ZNF827: variants seen among roughly 807,000 people sequenced by gnomAD.
The protein encoded by ZNF827 is zinc finger protein 827.
A neutral mutation model predicts 102.4 loss-of-function variants in ZNF827; 13 were observed. The observed-to-expected ratio is 0.13, with a 90% CI of 0.08 to 0.20. The LOEUF (loss-of-function observed/expected upper bound fraction) is 0.20, where lower values mean the gene tolerates loss of function less well. ZNF827 is among the 10% of genes least tolerant of loss of function. The probability of loss-of-function intolerance (pLI) is 1.00; values close to 1 mark genes in which losing one functional copy is unlikely to be tolerated. For synonymous variants in ZNF827, 523 were observed against 536.2 expected (o/e 0.98, Z 0.34); for missense variants, 1,103 against 1,344.4 (o/e 0.82, Z 2.81).
chr4:145,823,801 C>G (rs1318805521), intron 7 of ZNF827, among the ~76,000 whole-genome samples: 1 of 152,194 alleles, frequency 6.6e-6, no homozygotes, highest in Non-Finnish European at 1.5e-5. Flanking sequence ...TAGAGGAGGA[C>G]AGCTGTGCAG....
intron 5 of ZNF827, among the ~76,000 whole-genome samples, chr4:145,852,589 T>G (rs1746639676): frequency 6.6e-6 from 1 of 152,130 alleles, no homozygotes; most frequent in Admixed American, 6.5e-5. Flanking sequence ...GCCAAGTGTT[T>G]TTTTTGGCTT....
intron 2 of ZNF827, among the ~76,000 whole-genome samples, chr4:145,895,599 G>C (rs1750916017): frequency 1.3e-5 from 2 of 152,130 alleles, no homozygotes; most frequent in Non-Finnish European, 2.9e-5. Flanking sequence ...GAAACCAAAT[G>C]ATAAAAGTAA....
rs1009417127 is a variant in ZNF827, at chr4:145,882,883, C to T, written c.1747+2795G>A. On this transcript the variant is annotated intron_variant, in intron 4 of 14. Transcript: ENST00000508784. ...CGTTATAACGCCAAGGGACAAGGCCCGAGACTAGCCACTACTTCACTACAT... is the reference window on the plus strand; with the variant it reads ...CGTTATAACGCCAAGGGACAAGGCCTGAGACTAGCCACTACTTCACTACAT... Among the ~76,000 whole-genome samples the T allele has an allele frequency of 3.3e-5, 5 of 152,038 alleles. No individual in the cohort carries two copies. The East Asian group carries it at 7.7e-4, about 23-fold the overall frequency.
Position 145,902,083 on chromosome 4 carries a change from C to T in ZNF827, c.1093+83G>A. The T allele has an allele frequency of 6.7e-7, 1 of 1,493,654 alleles. No homozygotes were observed. Among genetic ancestry groups the T allele is most frequent in the Non-Finnish European group, 8.9e-7 (1 of 1,121,130 alleles). The allele number at this position is 1,493,654 out of a possible 1,614,324, so 92.5% of individuals were successfully genotyped here. ...TCCTGCCTCAGATCAGATGGGGAACCCAACTGAAAAAAGCAATGAATAAGA... is the reference window on the plus strand; with the variant it reads ...TCCTGCCTCAGATCAGATGGGGAACTCAACTGAAAAAAGCAATGAATAAGA... On this transcript the variant is annotated intron_variant, in intron 2 of 14. Transcript: ENST00000508784. This position sits in a 1 kb window ranked among gnomAD's most constrained non-coding sequence, Gnocchi z 4.3.
At chr4:145,833,470 C>A (rs944691271) in intron 7 of ZNF827, among the ~76,000 whole-genome samples, 1 of 152,146 alleles carries the variant, frequency 6.6e-6, no homozygotes, top group Non-Finnish European at 1.5e-5. Context: ...AGTGGCAAGT[C>A]CCGCTTTCCT....
chr4:145,866,461 G>A (rs1458544067), intron 5 of ZNF827, among the ~76,000 whole-genome samples: 1 of 152,110 alleles, frequency 6.6e-6, no homozygotes, highest in Non-Finnish European at 1.5e-5. Flanking sequence ...AGAAGCAATT[G>A]TAATTTATAT....
At chr4:145,878,582 CAGGACAGGACAGGACAGGACAGGAA>C (rs1434849981) in intron 4 of ZNF827, among the ~76,000 whole-genome samples, 68 of 124,940 alleles carry the variant, frequency 5.4e-4, no homozygotes, top group African/African-American at 1.9e-3. Flanking sequence ...CAGGACAGGA[CAGGACAGGACAGGACAGGACAGGAA>C]AGGAAAGGAA....
chr4:145,930,783 C>T (rs975673930), intron 1 of ZNF827, among the ~76,000 whole-genome samples: 5 of 152,130 alleles, frequency 3.3e-5, no homozygotes, highest in African/African-American at 9.7e-5. Context: ...ATCGTGGGCG[C>T]GTATCACTGT....
At chr4:145,857,546 C>T (rs187678406) in intron 5 of ZNF827, among the ~76,000 whole-genome samples, 1 of 152,322 alleles carries the variant, frequency 6.6e-6, no homozygotes, top group African/African-American at 2.4e-5. Flanking sequence ...TATGCCCACA[C>T]CTGCAGTATG....
Position 145,849,403 on chromosome 4 carries a change from C to T in ZNF827, c.2140G>A (p.Gly714Ser), listed in dbSNP as rs1380064260. ...AGGTTTCTCTCTGGGGGTACTCTGC[C>T]CTCTGGCATCTTCTGTAAGGGTTCG... Reference protein sequence around the residue: ...KTEPLQKMPEGRVPPERNLFS... With the variant: ...KTEPLQKMPESRVPPERNLFS... The change falls in exon 6 of 15, where the codon GGC becomes AGC. Residue 714 changes from glycine (G) to serine (S), a missense_variant. Gly to Ser is a moderately conservative substitution (Grantham distance 56). Coordinates refer to ENST00000508784, the MANE Select transcript of ZNF827 (RefSeq NM_001306215.2). The T allele has an allele frequency of 1.2e-6, 2 of 1,613,982 alleles. No homozygotes were observed. Among genetic ancestry groups the T allele is most frequent in the Non-Finnish European group, 1.7e-6 (2 of 1,180,022 alleles).
chr4:145,838,229 G>C, intron 7 of ZNF827, among the ~76,000 whole-genome samples: 1 of 152,088 alleles, frequency 6.6e-6, no homozygotes, highest in Non-Finnish European at 1.5e-5. Flanking sequence ...TGCCTTAACT[G>C]ATGACATTAC....
chr4:145,867,148 T>A (rs537757016), intron 5 of ZNF827, among the ~76,000 whole-genome samples: 1 of 152,360 alleles, frequency 6.6e-6, no homozygotes, highest in African/African-American at 2.4e-5. Context: ...AGACTTCCAG[T>A]GCTTTCCTCA....
At chr4:145,918,273 T>C (rs1032901014) in intron 1 of ZNF827, among the ~76,000 whole-genome samples, 30 of 148,388 alleles carry the variant, frequency 2.0e-4, no homozygotes, top group African/African-American at 7.2e-4. Flanking sequence ...TCTGTCCTTA[T>C]ATTTTGTTGT....
At chr4:145,879,174 G>A (rs752513310) in intron 4 of ZNF827, among the ~76,000 whole-genome samples, 1 of 152,108 alleles carries the variant, frequency 6.6e-6, no homozygotes, top group Non-Finnish European at 1.5e-5. Flanking sequence ...ACCTTCTGTG[G>A]TTACCCAGAG....
intron 7 of ZNF827, among the ~76,000 whole-genome samples, chr4:145,824,463 G>A (rs999950840): frequency 1.3e-5 from 2 of 152,168 alleles, no homozygotes; most frequent in East Asian, 3.8e-4. Context: ...GTTCCAGGGG[G>A]TAGTAACACA....
intron 8 of ZNF827, among the ~76,000 whole-genome samples, chr4:145,817,654 T>C (rs1372895561): frequency 6.6e-6 from 1 of 152,194 alleles, no homozygotes; most frequent in Non-Finnish European, 1.5e-5. Context: ...ACGGAGATTA[T>C]AATTCAAGAT....
At chr4:145,775,673 G>T (rs1736954577) in intron 10 of ZNF827, 116 bp downstream of exon 10, 6 of 1,263,128 alleles carry the variant, frequency 4.8e-6, no homozygotes, top group Non-Finnish European at 5.5e-6. Flanking sequence ...TCAAATGAAG[G>T]CCAGGCTATG....
At chr4:145,814,877 G>A (rs1021924807) in intron 8 of ZNF827, among the ~76,000 whole-genome samples, 1 of 152,100 alleles carries the variant, frequency 6.6e-6, no homozygotes, top group African/African-American at 2.4e-5. Context: ...GGAGGTGGAG[G>A]ATGCAGTCAG....
chr4:145,786,758 G>C (rs995754655), intron 8 of ZNF827, among the ~76,000 whole-genome samples: 3 of 152,188 alleles, frequency 2.0e-5, no homozygotes, highest in Admixed American at 6.5e-5. Flanking sequence ...CTGTGGTTAT[G>C]ACTCTTTGGG....
Sources: gnomAD v4.1 joint callset for allele counts (sites outside exome capture counted in the v4.1 genomes callset) on GRCh38, gnomAD v4.1.1 for gene constraint, Gnocchi (gnomAD v3.1) non-coding constraint, MANE v1.5 for transcripts, NCBI Gene and HGNC (gene_info 2026-07-23, HGNC 2026-07-21) for gene names.